The following OR2T33 variants were observed in gnomAD, a reference collection of about 807,000 sequenced individuals.
OR2T33 encodes olfactory receptor 2T33.
OR2T33 carries 10 observed loss-of-function variants against 14.0 expected under a neutral mutation model. That is an observed-to-expected ratio of 0.72 (90% CI 0.44 to 1.22). The LOEUF (loss-of-function observed/expected upper bound fraction) is 1.22, where lower values mean the gene tolerates loss of function less well. Among genes scored for constraint, OR2T33 ranks in the 50% most tolerant of loss-of-function variants. The pLI is 0.00. For synonymous variants in OR2T33, 103 were observed against 159.4 expected (o/e 0.65, Z 2.66); for missense variants, 276 against 405.9 (o/e 0.68, Z 2.75).
chr1:248,275,702 T>C (rs542877018), intron 1 of OR2T33, among the ~76,000 whole-genome samples: 1 of 147,380 alleles, frequency 6.8e-6, no homozygotes, highest in East Asian at 2.0e-4. Flanking sequence ...TAAAATAAAA[T>C]AGAATAATAA....
At chr1:248,276,647 C>T (rs1320590305) in intron 1 of OR2T33, among the ~76,000 whole-genome samples, 5 of 152,016 alleles carry the variant, frequency 3.3e-5, no homozygotes, top group Admixed American at 1.3e-4. Context: ...AATTTGGAAC[C>T]ATTGTTTTTT....
intron 1 of OR2T33, among the ~76,000 whole-genome samples, chr1:248,276,077 C>G (rs977522312): frequency 3.3e-5 from 5 of 152,076 alleles, no homozygotes; most frequent in Non-Finnish European, 5.9e-5. Flanking sequence ...TGTTTCACCT[C>G]GGATCATCAG....
At position 248,276,262 on chromosome 1, in the gene OR2T33, C is replaced by A. The variant is rs1428068831; in HGVS notation, c.-9+1503G>T. Among the ~76,000 whole-genome samples, 8 of 152,078 alleles carry A rather than the reference C, an allele frequency of 5.3e-5. No homozygotes were observed. The East Asian group carries it at 5.8e-4, about 11-fold the overall frequency. On this transcript the variant is annotated intron_variant, in intron 1 of 1. Coordinates refer to ENST00000641220, the MANE Select transcript of OR2T33 (RefSeq NM_001004695.2). ...CCTATGCAGCCCAGGTCCTAACAGG[C>A]CACAGATCAATACTGAACTTTCTAA...
intron 1 of OR2T33, among the ~76,000 whole-genome samples, chr1:248,276,082 C>G (rs144765630): frequency 6.6e-6 from 1 of 152,230 alleles, no homozygotes; most frequent in East Asian, 1.9e-4. Context: ...CACCTCGGAT[C>G]ATCAGGCATT....
rs1465564103 is a variant in OR2T33, at chr1:248,272,058, G to C, written c.*794C>G. ...TGTTACTCAGTTTTGATAATTCATT[G>C]TTAGTAACTGTCAAGATTCAGCATG... On this transcript the variant is annotated 3_prime_UTR_variant, in exon 2 of 2. Transcript: ENST00000641220. 2 of 152,130 alleles carry C rather than the reference G, an allele frequency of 1.3e-5. No homozygotes were observed. Among genetic ancestry groups the C allele is most frequent in the Admixed American group, 6.5e-5 (1 of 15,276 alleles). The allele number at this position is 152,130 out of a possible 1,614,324, so 9.4% of individuals were successfully genotyped here. A position where few individuals can be genotyped will look rare whatever the true frequency, so the allele number is the denominator to read the frequency against.
rs750055642 is a variant in OR2T33 at position 248,273,191 on chromosome 1, G to C, written c.624C>G (p.Pro208=). 27 of 1,609,004 alleles carry C rather than the reference G, an allele frequency of 1.7e-5. No homozygotes were observed. In the African/African-American group the frequency reaches 3.5e-4, roughly 21 times the overall value. Residue 208 remains proline, a synonymous_variant, in exon 2 of 2, where the codon CCC becomes CCG. Transcript: ENST00000641220. ...YICCVLMLLV[P]FSLILSSYGL... ...CATAGGAGGACAGGATGAGGGAAAA[G>C]GGGACCAGGAGCATTAACACACAGC...
chr1:248,274,517 A>G (rs1659426537), intron 1 of OR2T33, among the ~76,000 whole-genome samples: 1 of 152,174 alleles, frequency 6.6e-6, no homozygotes, highest in Admixed American at 6.5e-5. Flanking sequence ...CTCTTCAAAT[A>G]AAATTCAGAA....
At position 248,272,916 on chromosome 1, in the gene OR2T33, T is replaced by G; in HGVS notation, c.899A>C (p.Lys300Thr). The G allele has an allele frequency of 6.2e-7, 1 of 1,613,814 alleles. No individual in the cohort carries two copies. Among genetic ancestry groups the G allele is most frequent in the Non-Finnish European group, 8.5e-7 (1 of 1,179,832 alleles). ...VKNSEVKGAL[K>T]RWLGTCVNIK... ...GTTTACACACGTCCCCAGCCACCGT[T>G]TCAGGGCTCCCTTCACCTCACTGTT... The change falls in exon 2 of 2, where the codon AAA (lysine) becomes ACA (threonine). Residue 300 changes from lysine to threonine, a missense_variant. Lys to Thr is a moderately conservative substitution (Grantham distance 78, BLOSUM62 -1). Transcript: ENST00000641220.
Position 248,273,008 on chromosome 1 carries a change from G to T in OR2T33, c.807C>A (p.Asp269Glu). The T allele has an allele frequency of 4.3e-6, 7 of 1,614,066 alleles. No homozygotes were observed. Among genetic ancestry groups the T allele is most frequent in the Non-Finnish European group, 5.9e-6 (7 of 1,180,010 alleles). Residue 269 changes from aspartate to glutamate, a missense_variant, in exon 2 of 2, where the codon GAC (aspartate) becomes GAA (glutamate). Transcript: ENST00000641220. ...TAGTATAGAAGGCTGACACAACCTTGTCATGGTTAGTGGACCTATGGGATT... is the reference window on the plus strand; with the variant it reads ...TAGTATAGAAGGCTGACACAACCTTTTCATGGTTAGTGGACCTATGGGATT... ...RPKSHRSTNH[D>E]KVVSAFYTMF...
In OR2T33 at chr1:248,271,809, C is replaced by A. The variant is rs142581483; in HGVS notation, c.*1043G>T. ...GCCTTTATCATAAAACTCTCTAAGACGATTTGATATCCAGTCTCTGGTTAC... is the reference window on the plus strand; with the variant it reads ...GCCTTTATCATAAAACTCTCTAAGAAGATTTGATATCCAGTCTCTGGTTAC... On this transcript the variant is annotated 3_prime_UTR_variant, in exon 2 of 2. Coordinates refer to ENST00000641220, the MANE Select transcript of OR2T33 (RefSeq NM_001004695.2). 4.6e-5 allele frequency: 7 copies of A among 152,142 alleles called. No homozygotes were observed. Among genetic ancestry groups the A allele is most frequent in the Admixed American group, 4.6e-4 (7 of 15,280 alleles). 9.4% of individuals were successfully genotyped at this position (152,142 alleles called of 1,614,324 possible). A position where few individuals can be genotyped will look rare whatever the true frequency, so the allele number is the denominator to read the frequency against.
chr1:248,273,719 G>A lies in OR2T33; in HGVS notation c.96C>T (p.Ile32=), dbSNP rs771998397. ...HQVLFMMVLS[I]VLTSLFGNSL... ...AATTGCCAAACAGGGAGGTCAAAAC[G>A]ATACTCAGAACCATCATGAAGAGGA... The change falls in exon 2 of 2, where the codon ATC becomes ATT. Residue 32 remains isoleucine, a synonymous_variant. Transcript: ENST00000641220. The A allele has an allele frequency of 2.5e-6, 4 of 1,613,534 alleles. No individual in the cohort carries two copies. The highest frequency in any genetic ancestry group is 3.3e-5 in the Admixed American group (2 of 59,982).
chr1:248,277,017 G>A (rs903469521), intron 1 of OR2T33, among the ~76,000 whole-genome samples: 1 of 151,374 alleles, frequency 6.6e-6, no homozygotes, highest in African/African-American at 2.4e-5. Context: ...TCTTCTTCAA[G>A]TCAATTCATG....
intron 1 of OR2T33, among the ~76,000 whole-genome samples, chr1:248,274,501 C>T (rs1659426426): frequency 6.6e-6 from 1 of 152,124 alleles, no homozygotes; most frequent in South Asian, 2.1e-4. Flanking sequence ...TAGCATCTGC[C>T]CTTCACTCTT....
intron 1 of OR2T33, among the ~76,000 whole-genome samples, chr1:248,274,119 T>G (rs1324589427): frequency 2.0e-5 from 3 of 152,206 alleles, no homozygotes; most frequent in East Asian, 3.9e-4. Context: ...GTTATGATTT[T>G]TATATTACTC....
At chr1:248,274,135 A>G (rs1032835806) in intron 1 of OR2T33, among the ~76,000 whole-genome samples, 2 of 152,170 alleles carry the variant, frequency 1.3e-5, no homozygotes, top group Non-Finnish European at 2.9e-5. Flanking sequence ...TACTCGTATT[A>G]ATATTATTGT....
chr1:248,276,572 G>A (rs1419017935), intron 1 of OR2T33, among the ~76,000 whole-genome samples: 1 of 151,994 alleles, frequency 6.6e-6, no homozygotes, highest in Admixed American at 6.6e-5. Flanking sequence ...CATTCTGAAT[G>A]GTTATACTTA....
At chr1:248,275,135 T>C (rs1002718260) in intron 1 of OR2T33, among the ~76,000 whole-genome samples, 4 of 152,194 alleles carry the variant, frequency 2.6e-5, no homozygotes, top group Non-Finnish European at 5.9e-5. Context: ...TTGCAGGATT[T>C]TAGACCTCAT....
rs1659372469 is a variant in OR2T33 at position 248,271,541 on chromosome 1, T to C, written c.*1311A>G. The C allele has an allele frequency of 6.6e-6, 1 of 152,302 alleles. No homozygotes were observed. The highest frequency in any genetic ancestry group is 1.5e-5 in the Non-Finnish European group (1 of 68,014). The allele number at this position is 152,302 out of a possible 1,614,324, so 9.4% of individuals were successfully genotyped here. ...ACATAGGCTCAGGATCTGCATGCAC[T>C]GGTTAAGGTACTATCTTAAATATAT... is the stretch of plus-strand genomic sequence containing the variant. On this transcript the variant is annotated 3_prime_UTR_variant, in exon 2 of 2. Coordinates refer to ENST00000641220, the MANE Select transcript of OR2T33 (RefSeq NM_001004695.2).
rs1287615696 is a variant in OR2T33 at position 248,273,621 on chromosome 1, G to A, written c.194C>T (p.Ser65Phe). 6.2e-7 allele frequency: 1 copy of A among 1,613,786 alleles called. No homozygotes were observed. Among genetic ancestry groups the A allele is most frequent in the Middle Eastern group, 1.7e-4 (1 of 5,964 alleles). ...GGAAACCAGCATCATGTCCATGAGGGAAAGTTGGCTCAGGAGGAAGTACAT... is the reference window on the plus strand; with the variant it reads ...GGAAACCAGCATCATGTCCATGAGGAAAAGTTGGCTCAGGAGGAAGTACAT... The part of the protein sequence containing the change: ...TPMYFLLSQL[S>F]LMDMMLVSTT... The change falls in exon 2 of 2, where the codon TCC becomes TTC. Residue 65 changes from serine (S) to phenylalanine (F), a missense_variant. By Grantham distance (155) the Ser-to-Phe change is radical (BLOSUM62 -2). Coordinates refer to ENST00000641220, the MANE Select transcript of OR2T33 (RefSeq NM_001004695.2).
Sources: allele counts gnomAD v4.1 joint callset (sites outside exome capture counted in the v4.1 genomes callset), GRCh38; gene constraint gnomAD v4.1.1; transcripts MANE v1.5; gene names NCBI Gene and HGNC (gene_info 2026-07-23, HGNC 2026-07-21).